ADAMTS8: variants seen among roughly 807,000 people sequenced by gnomAD.
ADAMTS8 encodes A disintegrin and metalloproteinase with thrombospondin motifs 8.
ADAMTS8 carries 50 observed loss-of-function variants against 64.4 expected under a neutral mutation model. The ratio of observed to expected loss-of-function variants is 0.78; its 90% CI spans 0.62 to 0.98. The LOEUF (loss-of-function observed/expected upper bound fraction) is 0.98. ADAMTS8 is among the 50% of genes least tolerant of loss of function. The pLI is 0.00. For missense variants in ADAMTS8, 1,192 were observed against 1,208.2 expected (o/e 0.99, Z 0.20); for synonymous variants, 556 against 533.6 (o/e 1.04, Z -0.58).
intron 5 of ADAMTS8, among the ~76,000 whole-genome samples, chr11:130,412,371 G>A (rs535636919): frequency 1.1e-4 from 16 of 152,112 alleles, no homozygotes; most frequent in Admixed American, 2.0e-4. Flanking sequence ...ACACCTCCAC[G>A]CCTGGCTAAT....
At chr11:130,425,822 T>C (rs762593882) in intron 1 of ADAMTS8, among the ~76,000 whole-genome samples, 33 of 152,040 alleles carry the variant, frequency 2.2e-4, no homozygotes, top group African/African-American at 3.4e-4. Flanking sequence ...AGGATGGTCT[T>C]GATCTCCTGA....
chr11:130,412,011 G>A (rs200687451), intron 5 of ADAMTS8: 13 of 207,058 alleles, frequency 6.3e-5, no homozygotes, highest in Admixed American at 1.0e-4. Flanking sequence ...GAGGGTGTAC[G>A]TGACCACATC....
chr11:130,414,288 C>T (rs7120276), intron 5 of ADAMTS8, among the ~76,000 whole-genome samples: 130,256 of 151,496 alleles, frequency 0.86, 56,507 homozygotes, highest in East Asian at 0.97. Context: ...CATGCCTGAC[C>T]TATTTTTTAT....
At chr11:130,424,476 C>T (rs982777602) in intron 1 of ADAMTS8, among the ~76,000 whole-genome samples, 7 of 152,218 alleles carry the variant, frequency 4.6e-5, no homozygotes, top group African/African-American at 1.7e-4. Context: ...GATTGATCAC[C>T]TAGTCCAGGT....
chr11:130,412,578 A>G (rs1276614877), intron 5 of ADAMTS8, among the ~76,000 whole-genome samples: 2 of 152,222 alleles, frequency 1.3e-5, no homozygotes, highest in African/African-American at 2.4e-5. Context: ...CTGTATGCCC[A>G]AAGGTTCATA....
chr11:130,407,616 G>A (rs1025836770), intron 8 of ADAMTS8, among the ~76,000 whole-genome samples: 27 of 152,282 alleles, frequency 1.8e-4, no homozygotes, highest in African/African-American at 6.5e-4. Flanking sequence ...GCTCACATAA[G>A]CCCTAGGACA....
At position 130,428,095 on chromosome 11, in the gene ADAMTS8, G is replaced by A. The variant is rs757986776; in HGVS notation, c.192C>T (p.Phe64=). 4.6e-6 allele frequency: 7 copies of A among 1,535,386 alleles called. No individual in the cohort carries two copies. Among genetic ancestry groups the A allele is most frequent in the Middle Eastern group, 1.8e-4 (1 of 5,558 alleles). ...TGTCGTCGGGCGCCAGGCGCAGCAC[G>A]AAGCCCTTGCCGAAGGCGGACAGGT... ...ALHLSAFGKG[F]VLRLAPDDSF... The change falls in exon 1 of 9, where the codon TTC becomes TTT. Residue 64 remains phenylalanine (F), a synonymous_variant. Transcript: ENST00000257359.
intron 1 of ADAMTS8, among the ~76,000 whole-genome samples, chr11:130,421,684 T>C (rs1183409078): frequency 6.6e-6 from 1 of 152,154 alleles, no homozygotes; most frequent in East Asian, 1.9e-4. Context: ...ATATATGCGG[T>C]GCGTCTCACA....
At chr11:130,409,723 G>T (rs966766773) in intron 6 of ADAMTS8, among the ~76,000 whole-genome samples, 4 of 152,208 alleles carry the variant, frequency 2.6e-5, no homozygotes, top group African/African-American at 4.8e-5. Flanking sequence ...ATCCTGCCAC[G>T]TGCTGCTGCC....
Position 130,405,042 on chromosome 11 carries a change from C to A in ADAMTS8, c.*516G>T. 1 of 987,312 alleles carries A rather than the reference C, an allele frequency of 1.0e-6. No individual in the cohort carries two copies. The highest frequency in any genetic ancestry group is 1.2e-6 in the Non-Finnish European group (1 of 831,056). 61.2% of individuals were successfully genotyped at this position (987,312 alleles called of 1,614,324 possible). On this transcript the variant is annotated 3_prime_UTR_variant, in exon 9 of 9. Transcript: ENST00000257359. ...CTCCAAACCCTGCGACGCTGCGGCC[C>A]TTTAGGTGATGGATTTTAACACTGA...
chr11:130,419,382 TG>T, intron 1 of ADAMTS8, 90 bp from the exon 2 acceptor site: 9 of 1,555,316 alleles, frequency 5.8e-6, no homozygotes, highest in Non-Finnish European at 7.9e-6. Context: ...CCTCTTGTTA[TG>T]GGGCTGAGCA....
chr11:130,419,363 C>A, intron 1 of ADAMTS8, 71 bp from the exon 2 acceptor site: 1 of 1,587,586 alleles, frequency 6.3e-7, no homozygotes. Flanking sequence ...GGCCTGTCCG[C>A]TGCCATCACC....
rs753226068 is a variant in ADAMTS8 at position 130,408,520 on chromosome 11, C to T, written c.2043G>A (p.Val681=). The change falls in exon 8 of 9, where the codon GTG becomes GTA. Residue 681 remains valine, a synonymous_variant. Transcript: ENST00000257359. ...TGCAGGAGTTGCCTTTGCCCCCACA[C>T]ACCCCGCATTTGTCCAGCTTCCGAG... ...DSPRKLDKCG[V]CGGKGNSCRK... 6.2e-7 allele frequency: 1 copy of T among 1,614,120 alleles called. No homozygotes were observed. Among genetic ancestry groups the T allele is most frequent in the East Asian group, 2.2e-5 (1 of 44,868 alleles).
intron 1 of ADAMTS8, among the ~76,000 whole-genome samples, chr11:130,423,998 C>T (rs1006555601): frequency 2.6e-5 from 4 of 152,312 alleles, no homozygotes; most frequent in African/African-American, 7.2e-5. Context: ...ACTTCATTGT[C>T]GCGTAACATA....
intron 2 of ADAMTS8, among the ~76,000 whole-genome samples, chr11:130,417,942 T>G (rs1397344238): frequency 6.6e-6 from 1 of 150,534 alleles, no homozygotes; most frequent in Non-Finnish European, 1.5e-5. Flanking sequence ...GGCAGGTAGA[T>G]TGCTTGAGTC....
Position 130,416,880 on chromosome 11 carries a change from G to A in ADAMTS8, c.1096+60C>T. 1 of 1,610,650 alleles carries A rather than the reference G, an allele frequency of 6.2e-7. No homozygotes were observed. The highest frequency in any genetic ancestry group is 8.5e-7 in the Non-Finnish European group (1 of 1,177,530). ...ATTCCTTAGGATCTACGCAACCTTG[G>A]ATCTGGAAGAGCAGTTCCCTCCGAT... On this transcript the variant is annotated intron_variant, in intron 3 of 8. Coordinates refer to ENST00000257359, the MANE Select transcript of ADAMTS8 (RefSeq NM_007037.6). The surrounding 1 kb of genome is among the most constrained non-coding windows in gnomAD (Gnocchi z 4.8).
At chr11:130,409,661 C>A (rs1003293823) in intron 6 of ADAMTS8, among the ~76,000 whole-genome samples, 3 of 152,376 alleles carry the variant, frequency 2.0e-5, no homozygotes, top group African/African-American at 7.2e-5. Context: ...ACTCTCACCA[C>A]CACAAGCCCA....
chr11:130,414,748 T>G lies in ADAMTS8; in HGVS notation c.1349A>C (p.Gln450Pro). The change falls in exon 5 of 9, where the codon CAG becomes CCG. Residue 450 changes from glutamine (Q) to proline (P), a missense_variant. Coordinates refer to ENST00000257359, the MANE Select transcript of ADAMTS8 (RefSeq NM_007037.6). ...CGGCCCAAAGATCTGCCTGCACTGC[T>G]GGTCCAGCTGGTACAGGGCCATGCG... ...PGRMALYQLDQQCRQIFGPDF... is the reference protein window; with the variant it reads ...PGRMALYQLDPQCRQIFGPDF... 1.9e-6 allele frequency: 3 copies of G among 1,613,536 alleles called. No individual in the cohort carries two copies. The highest frequency in any genetic ancestry group is 2.5e-6 in the Non-Finnish European group (3 of 1,180,030).
Position 130,416,658 on chromosome 11 carries a change from C to T in ADAMTS8, c.1096+282G>A, listed in dbSNP as rs1031250143. 1.3e-5 allele frequency among the ~76,000 whole-genome samples: 2 copies of T among 152,222 alleles called. No homozygotes were observed. The highest frequency in any genetic ancestry group is 2.4e-5 in the African/African-American group (1 of 41,458). The stretch of plus-strand genomic sequence containing the variant: ...TTGTGCACAGCTCCACGCCTCCACC[C>T]CAGCACGTGTCTGGTGTCCTGTGTC... On this transcript the variant is annotated intron_variant, in intron 3 of 8. Transcript: ENST00000257359. The surrounding 1 kb of genome is among the most constrained non-coding windows in gnomAD (Gnocchi z 4.8).
Sources: gnomAD v4.1 joint callset for allele counts (sites outside exome capture counted in the v4.1 genomes callset) on GRCh38, gnomAD v4.1.1 for gene constraint, Gnocchi (gnomAD v3.1) non-coding constraint, MANE v1.5 for transcripts, NCBI Gene and HGNC (gene_info 2026-07-23, HGNC 2026-07-21) for gene names.